The following TMIE variants were observed in gnomAD, a reference collection of about 807,000 sequenced individuals.
The protein encoded by TMIE is transmembrane inner ear, also known as transmembrane inner ear expressed protein.
In TMIE, 14 loss-of-function variants were observed where a neutral mutation model predicts 16.8. The ratio of observed to expected loss-of-function variants is 0.83; its 90% CI spans 0.55 to 1.30. The LOEUF (loss-of-function observed/expected upper bound fraction) is 1.30. Among genes scored for constraint, TMIE ranks in the 50% most tolerant of loss-of-function variants. The probability of loss-of-function intolerance (pLI) is 0.00; values close to 1 mark genes in which losing one functional copy is unlikely to be tolerated. For missense variants in TMIE, 204 were observed against 205.9 expected, an observed-to-expected ratio of 0.99 and a Z score of 0.06; for synonymous variants, 75 against 87.2, an observed-to-expected ratio of 0.86 and a Z score of 0.78.
At chr3:46,695,707 G>A (rs1256316971) in intron 1 of TMIE, among the ~76,000 whole-genome samples, 2 of 152,316 alleles carry the variant, frequency 1.3e-5, no homozygotes, top group African/African-American at 2.4e-5. Flanking sequence ...TCATCTGCAC[G>A]TGCAGCTGAG....
upstream of TMIE, among the ~76,000 whole-genome samples, chr3:46,700,093 A>G (rs566582687): frequency 3.3e-5 from 5 of 152,272 alleles, no homozygotes; most frequent in Admixed American, 6.5e-5. Flanking sequence ...GTGCTGCAAC[A>G]AGTGATTTGG....
rs1353193337 is a variant in TMIE at position 46,705,969 on chromosome 3, C to A, written c.211+62C>A. ...AGTGGGAACACAGCACCCCCTGCCC[C>A]CCAGAGGGCTCAGAGCAGCAATTCC... is the stretch of plus-strand genomic sequence containing the variant. On this transcript the variant is annotated intron_variant, in intron 2 of 3. Transcript: ENST00000643606. 4 of 1,524,006 alleles carry A rather than the reference C, an allele frequency of 2.6e-6. No individual in the cohort carries two copies. The African/African-American group carries it at 5.5e-5, about 21-fold the overall frequency. 94.4% of individuals were successfully genotyped at this position (1,524,006 alleles called of 1,614,324 possible). A position where few individuals can be genotyped will look rare whatever the true frequency, so the allele number is the denominator to read the frequency against.
Position 46,709,595 on chromosome 3 carries a change from G to A in TMIE, c.378G>A (p.Lys126=), listed in dbSNP as rs1466265955. ...TEVPGEDKKK[K]KKKKKDSVDT... is the part of the protein sequence containing the mutation. The stretch of plus-strand genomic sequence containing the variant: ...GCCCCACAGAGGATAAGAAGAAGAA[G>A]AAGAAGAAGAAGAAGGACAGTGTGG... Residue 126 remains lysine, a synonymous_variant, in exon 4 of 4, where the codon AAG becomes AAA. Transcript: ENST00000643606. 1.2e-6 allele frequency: 2 copies of A among 1,611,480 alleles called. No homozygotes were observed. Among genetic ancestry groups the A allele is most frequent in the Non-Finnish European group, 1.7e-6 (2 of 1,178,608 alleles).
Position 46,701,774 on chromosome 3 carries a change from T to C in TMIE, c.93+194T>C, listed in dbSNP as rs2106776041. Reference sequence around the variant, plus strand: ...GAGAGACTCAGCCCCACTCTTAGGGTCCCTGGTCTGATGGAAGGGCACAGT... The same window carrying C: ...GAGAGACTCAGCCCCACTCTTAGGGCCCCTGGTCTGATGGAAGGGCACAGT... On this transcript the variant is annotated intron_variant, in intron 1 of 3. Transcript: ENST00000643606. This position sits in a 1 kb window ranked among gnomAD's most constrained non-coding sequence, Gnocchi z 4.3. 6.6e-6 allele frequency among the ~76,000 whole-genome samples: 1 copy of C among 152,126 alleles called. No individual in the cohort carries two copies. Among genetic ancestry groups the C allele is most frequent in the Admixed American group, 6.5e-5 (1 of 15,286 alleles).
intron 1 of TMIE, among the ~76,000 whole-genome samples, chr3:46,703,057 C>T (rs905560314): frequency 1.3e-5 from 2 of 152,186 alleles, no homozygotes; most frequent in Admixed American, 6.5e-5. Context: ...GGCCATCTGC[C>T]TGACATCTGC....
At chr3:46,699,733 T>C (rs1484387260), upstream of TMIE, among the ~76,000 whole-genome samples, 2 of 152,206 alleles carry the variant, frequency 1.3e-5, no homozygotes, top group Admixed American at 6.5e-5. Context: ...TCTTGATGGA[T>C]GGATGAACTT....
rs529423385 is a variant in TMIE, at chr3:46,708,376, C to T, written c.212-750C>T. On this transcript the variant is annotated intron_variant, in intron 2 of 3. Transcript: ENST00000643606. ...TCTGATTTATAATAGGAACCAGCTC[C>T]ATCCCCTCCTCTAGGGCTGGGGCCA... Among the ~76,000 whole-genome samples, 153 of 152,298 alleles carry T rather than the reference C, an allele frequency of 1.0e-3. 4 individuals are homozygous for T. In the Middle Eastern group the frequency reaches 0.01, roughly 10 times the overall value.
At chr3:46,705,025 C>A (rs1700533317) in intron 1 of TMIE, among the ~76,000 whole-genome samples, 1 of 152,076 alleles carries the variant, frequency 6.6e-6, no homozygotes, top group South Asian at 2.1e-4. Context: ...CAGGATGAGG[C>A]CATGTCCTCT....
upstream of TMIE, among the ~76,000 whole-genome samples, chr3:46,699,069 T>TA (rs1553631629): frequency 7.1e-6 from 1 of 141,234 alleles, no homozygotes; most frequent in African/African-American, 2.6e-5. Context: ...TATTTTTTTT[T>TA]TTTTTTTTTT....
intron 1 of TMIE, among the ~76,000 whole-genome samples, chr3:46,695,740 C>T (rs888263024): frequency 2.6e-5 from 4 of 152,154 alleles, no homozygotes; most frequent in African/African-American, 9.7e-5. Context: ...TGCCTGGGCT[C>T]GAGCAGGAAG....
At chr3:46,698,134 A>G (rs112230459), upstream of TMIE, among the ~76,000 whole-genome samples, 11,864 of 151,910 alleles carry the variant, frequency 0.078, 648 homozygotes, top group Non-Finnish European at 0.12. Flanking sequence ...GCTCACTGCA[A>G]CCACCTCCTG....
At chr3:46,709,301 G>A (rs748923277) in intron 3 of TMIE, 26 bp downstream of exon 3, 31 of 1,613,238 alleles carry the variant, frequency 1.9e-5, no homozygotes, top group Non-Finnish European at 2.5e-5. Context: ...CTTGAGCCCT[G>A]CTGCGCCAGC....
chr3:46,706,593 A>G (rs916621091), intron 2 of TMIE, among the ~76,000 whole-genome samples: 2 of 152,168 alleles, frequency 1.3e-5, no homozygotes, highest in Non-Finnish European at 2.9e-5. Flanking sequence ...CCACGAGGCA[A>G]AAGCAGAGTG....
chr3:46,699,876 C>G (rs1453099208), upstream of TMIE, among the ~76,000 whole-genome samples: 1 of 152,216 alleles, frequency 6.6e-6, no homozygotes, highest in East Asian at 1.9e-4. Flanking sequence ...TCACATCAAT[C>G]ATGGGAGTCT....
rs1700477403 is a variant in TMIE, at chr3:46,701,556, G to A, written c.69G>A (p.Ala23=). The change falls in exon 1 of 4, where the codon GCG becomes GCA. Residue 23 remains alanine (A), a synonymous_variant. Coordinates refer to ENST00000643606, the MANE Select transcript of TMIE (RefSeq NM_147196.3). The surrounding 1 kb of genome is among the most constrained non-coding windows in gnomAD (Gnocchi z 4.3). ...GCGCCGCACTCGGGGTGTGCCTCGCGGGGGTTGCCGGGCAGCTGGTGGAGG... is the reference window on the plus strand; with the variant it reads ...GCGCCGCACTCGGGGTGTGCCTCGCAGGGGTTGCCGGGCAGCTGGTGGAGG... The part of the protein sequence containing the change: ...LGGAALGVCL[A]GVAGQLVEPS... 3.1e-6 allele frequency: 4 copies of A among 1,288,038 alleles called. No individual in the cohort carries two copies. Among genetic ancestry groups the A allele is most frequent in the Non-Finnish European group, 2.9e-6 (3 of 1,020,582 alleles). The allele number at this position is 1,288,038 out of a possible 1,614,324, so 79.8% of individuals were successfully genotyped here.
chr3:46,707,919 A>T (rs1700572807), intron 2 of TMIE, among the ~76,000 whole-genome samples: 1 of 152,228 alleles, frequency 6.6e-6, no homozygotes. Flanking sequence ...AGTCTCAGGC[A>T]TGAACACAGG....
upstream of TMIE, chr3:46,701,235 C>T: frequency 2.4e-6 from 1 of 411,432 alleles, no homozygotes; most frequent in Non-Finnish European, 4.3e-6. This position sits in a 1 kb window ranked among gnomAD's most constrained non-coding sequence, Gnocchi z 4.3. Flanking sequence ...CCTCAGTGTC[C>T]CTGGGGATGC....
In TMIE at chr3:46,701,530, G is replaced by T; in HGVS notation, c.43G>T (p.Gly15Cys). 1 of 1,308,070 alleles carries T rather than the reference G, an allele frequency of 7.6e-7. No homozygotes were observed. Among genetic ancestry groups the T allele is most frequent in the Non-Finnish European group, 9.7e-7 (1 of 1,031,796 alleles). The allele number at this position is 1,308,070 out of a possible 1,614,324, so 81.0% of individuals were successfully genotyped here. A position where few individuals can be genotyped will look rare whatever the true frequency, so the allele number is the denominator to read the frequency against. Reference sequence around the variant, plus strand: ...CGCGGGTCCCCTCTGCGTGCTGGGCGGCGCCGCACTCGGGGTGTGCCTCGC... The same window carrying T: ...CGCGGGTCCCCTCTGCGTGCTGGGCTGCGCCGCACTCGGGGTGTGCCTCGC... ...PGAGPLCVLGGAALGVCLAGV... is the reference protein window; with the variant it reads ...PGAGPLCVLGCAALGVCLAGV... Residue 15 changes from glycine to cysteine, a missense_variant, in exon 1 of 4, where the codon GGC (glycine) becomes TGC (cysteine). Physicochemically the swap from Gly to Cys is radical, Grantham distance 159 (BLOSUM62 -3). Coordinates refer to ENST00000643606, the MANE Select transcript of TMIE (RefSeq NM_147196.3). The surrounding 1 kb of genome is among the most constrained non-coding windows in gnomAD (Gnocchi z 4.3).
intron 1 of TMIE, among the ~76,000 whole-genome samples, chr3:46,703,783 C>T (rs565902797): frequency 1.7e-4 from 26 of 152,148 alleles, no homozygotes; most frequent in Non-Finnish European, 2.6e-4. Context: ...GATGAAGAAG[C>T]GCCTGGCTCA....
Sources: gnomAD v4.1 joint callset for allele counts (sites outside exome capture counted in the v4.1 genomes callset) on GRCh38, gnomAD v4.1.1 for gene constraint, Gnocchi (gnomAD v3.1) non-coding constraint, MANE v1.5 for transcripts, NCBI Gene and HGNC (gene_info 2026-07-23, HGNC 2026-07-21) for gene names.